FRMD6: variants seen among roughly 807,000 people sequenced by gnomAD.
FRMD6 encodes the protein FERM domain-containing protein 6.
In FRMD6, 37 loss-of-function variants were observed where a neutral mutation model predicts 73.2. The ratio of observed to expected loss-of-function variants is 0.51; its 90% confidence interval spans 0.39 to 0.66. The LOEUF is 0.66. Among genes scored for constraint, FRMD6 ranks in the 30% least tolerant of loss-of-function variants. The pLI is 0.00. For missense variants in FRMD6, 714 were observed against 780.5 expected, an observed-to-expected ratio of 0.91 and a Z score of 1.02; for synonymous variants, 273 against 282.2, an observed-to-expected ratio of 0.97 and a Z score of 0.33.
chr14:51,586,734 C>CTTATTATTA lies in FRMD6; in HGVS notation c.-147+16331_-147+16339dup, dbSNP rs141367143. Among the ~76,000 whole-genome samples the CTTATTATTA allele has an allele frequency of 1.4e-3, 206 of 150,684 alleles. 1 individual carries two copies. The highest frequency in any genetic ancestry group is 4.1e-3 in the African/African-American group (168 of 41,036). On this transcript the variant is annotated intron_variant, in intron 2 of 14. Transcript: ENST00000356218. ...TCTTATGTTCAGGTCTTTACTTTATCTTATTATTATTATTAATCATTATTT... is the reference window on the plus strand; with the variant it reads ...TCTTATGTTCAGGTCTTTACTTTATCTTATTATTATTATTATTATTATTAATCATTATTT...
chr14:51,418,487 G>C, the FRMD6 span, among the ~76,000 whole-genome samples: 1 of 152,188 alleles, frequency 6.6e-6, no homozygotes, highest in Non-Finnish European at 1.5e-5. Context: ...ACCAGTAGAG[G>C]CTGCAGAACA....
chr14:51,635,334 G>A (rs948433686), intron 2 of FRMD6, among the ~76,000 whole-genome samples: 9 of 152,180 alleles, frequency 5.9e-5, no homozygotes, highest in Non-Finnish European at 1.2e-4. Context: ...GTTTAAGTCT[G>A]CAGTAAGCTA....
intron 1 of FRMD6, among the ~76,000 whole-genome samples, chr14:51,568,921 C>T (rs1230239814): frequency 6.6e-6 from 1 of 150,756 alleles, no homozygotes; most frequent in Non-Finnish European, 1.5e-5. Context: ...TCTCGGCTCA[C>T]TGCAACTTCT....
At position 51,517,899 on chromosome 14, in the gene FRMD6, A is replaced by G. The variant is rs191150740; in HGVS notation, c.-210+28479A>G. 2.1e-3 allele frequency among the ~76,000 whole-genome samples: 322 copies of G among 152,258 alleles called. 1 individual carries two copies. The highest frequency in any genetic ancestry group is 7.4e-3 in the African/African-American group (309 of 41,532). On this transcript the variant is annotated intron_variant, in intron 1 of 14. Coordinates refer to the FRMD6 transcript ENST00000356218. The stretch of plus-strand genomic sequence containing the variant: ...AGTAGCTCTTCAGTCCTCCCTCCCA[A>G]GTGACTGTCTACAGCTGACAAGCCT...
At chr14:51,658,869 A>T (rs1465729084) in intron 1 of FRMD6, among the ~76,000 whole-genome samples, 1 of 152,242 alleles carries the variant, frequency 6.6e-6, no homozygotes, top group African/African-American at 2.4e-5. Context: ...CTCATTAAAA[A>T]GGTGAAGAGA....
the FRMD6 span, among the ~76,000 whole-genome samples, chr14:51,430,477 G>A: frequency 0.17 from 26,296 of 151,926 alleles, 2,463 homozygotes; most frequent in Middle Eastern, 0.27. Context: ...GTAGCTCCAC[G>A]CAAATTGGAG....
At chr14:51,556,964 G>A (rs1887168859) in intron 1 of FRMD6, among the ~76,000 whole-genome samples, 1 of 152,008 alleles carries the variant, frequency 6.6e-6, no homozygotes, top group South Asian at 2.1e-4. Context: ...ATTTTTTCCT[G>A]ACACTTATCA....
At chr14:51,598,855 T>A (rs1277147829) in intron 2 of FRMD6, among the ~76,000 whole-genome samples, 1 of 152,186 alleles carries the variant, frequency 6.6e-6, no homozygotes, top group East Asian at 1.9e-4. Flanking sequence ...GCACTGAACA[T>A]ACAAGTGCAT....
chr14:51,674,160 T>C (rs1232307856), intron 1 of FRMD6, among the ~76,000 whole-genome samples: 1 of 152,160 alleles, frequency 6.6e-6, no homozygotes, highest in Non-Finnish European at 1.5e-5. Context: ...TTTACAACTT[T>C]GCAAATCTTA....
At chr14:51,644,089 C>T (rs1203108558) in intron 2 of FRMD6, among the ~76,000 whole-genome samples, 1 of 149,480 alleles carries the variant, frequency 6.7e-6, no homozygotes, top group African/African-American at 2.4e-5. Flanking sequence ...GATATCAATG[C>T]AGGGGGAAGG....
chr14:51,631,483 T>C (rs1165147089), intron 2 of FRMD6, among the ~76,000 whole-genome samples: 1 of 152,228 alleles, frequency 6.6e-6, no homozygotes, highest in Non-Finnish European at 1.5e-5. Flanking sequence ...TTTCATTAGT[T>C]CTGTTCCTTC....
rs1201953396 is a variant in FRMD6 at position 51,720,001 on chromosome 14, C to G, written c.1025-54C>G. The stretch of plus-strand genomic sequence containing the variant: ...TTCTTGGCCTGATGAGTCACTTAAG[C>G]TCACCAGCCGTTCCTTCTGTCTTGG... On this transcript the variant is annotated intron_variant, in intron 10 of 13. Transcript: ENST00000344768. 8 of 1,416,160 alleles carry G rather than the reference C, an allele frequency of 5.6e-6. No homozygotes were observed. The African/African-American group carries it at 8.6e-5, about 15-fold the overall frequency. The allele number at this position is 1,416,160 out of a possible 1,614,324, so 87.7% of individuals were successfully genotyped here.
intron 12 of FRMD6, among the ~76,000 whole-genome samples, chr14:51,723,557 G>T (rs1897751552): frequency 1.3e-5 from 2 of 151,978 alleles, no homozygotes. Context: ...AAGGTGGGTG[G>T]ATCACCTGAG....
intron 1 of FRMD6, among the ~76,000 whole-genome samples, chr14:51,547,344 A>T (rs1886529515): frequency 6.6e-6 from 1 of 152,144 alleles, no homozygotes; most frequent in Non-Finnish European, 1.5e-5. Flanking sequence ...TGGGAAGGTG[A>T]TGCTTCTGTT....
the FRMD6 span, among the ~76,000 whole-genome samples, chr14:51,456,588 C>CT: frequency 1.3e-5 from 2 of 151,998 alleles, no homozygotes; most frequent in African/African-American, 2.4e-5. Context: ...TGATGATGAA[C>CT]TTTTTTTTCA....
chr14:51,570,679 C>T (rs879738964), intron 2 of FRMD6, among the ~76,000 whole-genome samples: 12 of 152,204 alleles, frequency 7.9e-5, no homozygotes, highest in Non-Finnish European at 1.5e-4. Context: ...AATAAAGTTT[C>T]CAGTTGACTC....
intron 2 of FRMD6, among the ~76,000 whole-genome samples, chr14:51,611,044 GA>G (rs1890473373): frequency 1.3e-5 from 2 of 152,126 alleles, no homozygotes; most frequent in South Asian, 4.1e-4. Context: ...TTATTGAGAA[GA>G]AATCGAGTAA....
upstream of FRMD6, chr14:51,651,827 G>A (rs866839865): frequency 4.1e-4 from 56 of 136,182 alleles, no homozygotes; most frequent in Middle Eastern, 7.8e-3. Context: ...GGGGATTCGG[G>A]GGGGCGGGTC....
the FRMD6 span, among the ~76,000 whole-genome samples, chr14:51,443,490 C>T: frequency 6.6e-6 from 1 of 152,216 alleles, no homozygotes. Flanking sequence ...AATGCACAAG[C>T]TCTTGCCCCC....
Sources: allele counts gnomAD v4.1 joint callset (sites outside exome capture counted in the v4.1 genomes callset), GRCh38; gene constraint gnomAD v4.1.1; transcripts MANE v1.5; gene names NCBI Gene and HGNC (gene_info 2026-07-23, HGNC 2026-07-21).